The following RPGRIP1 variants were observed in gnomAD, a reference collection of about 807,000 sequenced individuals.
RPGRIP1 encodes the protein X-linked retinitis pigmentosa GTPase regulator-interacting protein 1.
In RPGRIP1, 128 loss-of-function variants were observed where a neutral mutation model predicts 157.9. That is an observed-to-expected ratio of 0.81 (90% CI 0.70 to 0.94). The LOEUF is 0.94. Among genes scored for constraint, RPGRIP1 ranks in the 40% least tolerant of loss-of-function variants. The pLI, the probability that RPGRIP1 is intolerant of heterozygous loss-of-function variation, is 0.00. For missense variants in RPGRIP1, 1,486 were observed against 1,545.8 expected, an observed-to-expected ratio of 0.96 and a Z score of 0.65; for synonymous variants, 554 against 571.6, an observed-to-expected ratio of 0.97 and a Z score of 0.44.
intron 3 of RPGRIP1, among the ~76,000 whole-genome samples, chr14:21,298,014 T>C (rs1289266954): frequency 6.6e-6 from 1 of 152,050 alleles, no homozygotes; most frequent in African/African-American, 2.4e-5. Context: ...AGTGCAAGGC[T>C]GAAGCCATGA....
At chr14:21,311,794 A>T (rs572729084) in intron 8 of RPGRIP1, 30 bp from the exon 9 acceptor site, 1 of 1,578,352 alleles carries the variant, frequency 6.3e-7, no homozygotes, top group South Asian at 1.2e-5. Flanking sequence ...TGATATGACC[A>T]TTCCCAGAGG....
chr14:21,296,579 G>A (rs1394368789), intron 3 of RPGRIP1, among the ~76,000 whole-genome samples: 1 of 151,908 alleles, frequency 6.6e-6, no homozygotes, highest in Middle Eastern at 3.4e-3. Flanking sequence ...TCAAACTCCT[G>A]ACCTCAAATG....
intron 6 of RPGRIP1, 35 bp downstream of exon 6, chr14:21,303,578 C>A (rs201993777): frequency 6.7e-7 from 1 of 1,487,620 alleles, no homozygotes. Context: ...CAAACCAAAA[C>A]GAACTGAAAA....
chr14:21,338,191 C>T (rs1053649914), intron 21 of RPGRIP1, among the ~76,000 whole-genome samples: 3 of 152,238 alleles, frequency 2.0e-5, no homozygotes, highest in African/African-American at 7.2e-5. Context: ...GCCGGGATTA[C>T]AGGCGTGAGC....
chr14:21,294,829 AATTTT>A lies in RPGRIP1; in HGVS notation c.218+21_218+25del. On this transcript the variant is annotated intron_variant, in intron 3 of 24. Transcript: ENST00000400017. ...CAAAAGGTACTTAGAGTTCTCCTTA[AATTTT>A]TTTTTTTTTTTTTTTTTTTTTTTTT... 1.2e-6 allele frequency: 1 copy of A among 828,004 alleles called. No homozygotes were observed. Among genetic ancestry groups the A allele is most frequent in the South Asian group, 2.2e-5 (1 of 44,982 alleles). The allele number at this position is 828,004 out of a possible 1,614,324, so 51.3% of individuals were successfully genotyped here.
intron 21 of RPGRIP1, among the ~76,000 whole-genome samples, chr14:21,337,041 A>C (rs1311648195): frequency 1.3e-5 from 2 of 152,196 alleles, no homozygotes; most frequent in Non-Finnish European, 2.9e-5. Flanking sequence ...TTATATTCCA[A>C]AATGTCCAGG....
Position 21,324,801 on chromosome 14 carries a change from A to C in RPGRIP1, c.1946A>C (p.Gln649Pro), listed in dbSNP as rs1207832537. The C allele has an allele frequency of 6.2e-7, 1 of 1,613,994 alleles. No individual in the cohort carries two copies. The highest frequency in any genetic ancestry group is 1.1e-5 in the South Asian group (1 of 91,088). ...SAALAQAGDT[Q>P]PTTFCTYSFY... ...GCCCTAGCTCAGGCTGGAGATACCCAACCTACCACTTTCTGCACCTATTCC... is the reference window on the plus strand; with the variant it reads ...GCCCTAGCTCAGGCTGGAGATACCCCACCTACCACTTTCTGCACCTATTCC... Residue 649 changes from glutamine (Q) to proline (P), a missense_variant, in exon 15 of 25, where the codon CAA becomes CCA. Coordinates refer to ENST00000400017, the MANE Select transcript of RPGRIP1 (RefSeq NM_020366.4).
intron 20 of RPGRIP1, 136 bp from the exon 21 acceptor site, chr14:21,334,469 T>G (rs114135828): frequency 1.5e-6 from 1 of 684,436 alleles, no homozygotes; most frequent in African/African-American, 1.8e-5. Flanking sequence ...GAGGGTTTGA[T>G]TCTTAGTAAG....
intron 1 of RPGRIP1, among the ~76,000 whole-genome samples, chr14:21,285,495 C>T (rs1315612329): frequency 6.6e-6 from 1 of 151,610 alleles, no homozygotes; most frequent in Admixed American, 6.6e-5. Context: ...GTCCGAGCTA[C>T]TCAGGAGGCT....
intron 2 of RPGRIP1, among the ~76,000 whole-genome samples, chr14:21,292,803 C>T (rs543176078): frequency 2.7e-5 from 4 of 150,668 alleles, no homozygotes; most frequent in African/African-American, 7.3e-5. Context: ...TGAGCCAAGA[C>T]AGCACCACTA....
intron 2 of RPGRIP1, among the ~76,000 whole-genome samples, chr14:21,290,939 T>G (rs946738447): frequency 6.7e-6 from 1 of 150,178 alleles, no homozygotes; most frequent in East Asian, 2.0e-4. Flanking sequence ...AGGCATAGGT[T>G]GCAGTGAGCC....
At chr14:21,349,855 T>C (rs1210356151) in intron 24 of RPGRIP1, among the ~76,000 whole-genome samples, 2 of 152,212 alleles carry the variant, frequency 1.3e-5, no homozygotes, top group East Asian at 3.8e-4. Flanking sequence ...CATTTGTATT[T>C]GAGTACCTTT....
chr14:21,317,879 A>G (rs370668938), intron 11 of RPGRIP1, 29 bp downstream of exon 11: 7 of 1,572,964 alleles, frequency 4.5e-6, no homozygotes, highest in East Asian at 2.3e-5. Flanking sequence ...AGCTCTCTCA[A>G]ATGTGGCATC....
intron 21 of RPGRIP1, among the ~76,000 whole-genome samples, chr14:21,335,992 A>G (rs1470658398): frequency 6.6e-6 from 1 of 152,224 alleles, no homozygotes; most frequent in Non-Finnish European, 1.5e-5. Flanking sequence ...GAGTGAATTG[A>G]TGATTATGAA....
intron 20 of RPGRIP1, 118 bp from the exon 21 acceptor site, chr14:21,334,487 A>G: frequency 1.3e-6 from 1 of 743,730 alleles, no homozygotes; most frequent in Non-Finnish European, 2.4e-6. Flanking sequence ...AAGTGAAGGC[A>G]AAATCTAGAC....
At chr14:21,287,883 T>A in intron 1 of RPGRIP1, 56 bp from the exon 2 acceptor site, 1 of 777,490 alleles carries the variant, frequency 1.3e-6, no homozygotes, top group Non-Finnish European at 2.2e-6. Context: ...TATGTACACG[T>A]TTCAGAAGAC....
Position 21,307,787 on chromosome 14 carries a change from G to T in RPGRIP1, c.857G>T (p.Arg286Ile). The change falls in exon 7 of 25, where the codon AGA becomes ATA. Residue 286 changes from arginine (R) to isoleucine (I), a missense_variant. Coordinates refer to ENST00000400017, the MANE Select transcript of RPGRIP1 (RefSeq NM_020366.4). ...LIRLKKLLHE[R>I]NASLVMTKAQ... ...CGACTTAAGAAGCTCTTACATGAAA[G>T]AAATGCTTCATTGGTTATGACAAAA... is the stretch of plus-strand genomic sequence containing the variant. The T allele has an allele frequency of 2.5e-6, 4 of 1,570,026 alleles. No individual in the cohort carries two copies. The highest frequency in any genetic ancestry group is 3.5e-6 in the Non-Finnish European group (4 of 1,157,404).
At chr14:21,334,787 A>T (rs1884162141) in intron 21 of RPGRIP1, 82 bp downstream of exon 21, 1 of 935,672 alleles carries the variant, frequency 1.1e-6, no homozygotes, top group East Asian at 2.7e-5. Flanking sequence ...TCACGCCTGT[A>T]ATCCCAGCAC....
rs61695584 is a variant in RPGRIP1, at chr14:21,345,351, A to G, written c.3617+154A>G. Among the ~76,000 whole-genome samples the G allele has an allele frequency of 0.12, 18,383 of 152,110 alleles. 2,896 individuals carry two copies. Among genetic ancestry groups the G allele is most frequent in the African/African-American group, 0.36 (15,090 of 41,446 alleles). On this transcript the variant is annotated intron_variant, in intron 23 of 24. Transcript: ENST00000400017. ...TCCTATGTACTTGAGTATAATTTAT[A>G]TTTGTGACTACCTAATCCATTACCT...
Sources: gnomAD v4.1 joint callset for allele counts (sites outside exome capture counted in the v4.1 genomes callset) on GRCh38, gnomAD v4.1.1 for gene constraint, MANE v1.5 for transcripts, NCBI Gene and HGNC (gene_info 2026-07-23, HGNC 2026-07-21) for gene names.